Variants in PRKN observed in about 807,000 individuals in gnomAD.
The protein encoded by PRKN is parkin RBR E3 ubiquitin protein ligase.
A neutral mutation model predicts 59.5 loss-of-function variants in PRKN; 56 were observed. The ratio of observed to expected loss-of-function variants is 0.94; its 90% confidence interval spans 0.76 to 1.18. The LOEUF is 1.18. Among genes scored for constraint, PRKN ranks in the 50% most tolerant of loss-of-function variants. The pLI is 0.00. For missense variants in PRKN, 657 were observed against 596.4 expected, an observed-to-expected ratio of 1.10 and a Z score of -1.06; for synonymous variants, 250 against 222.1, an observed-to-expected ratio of 1.13 and a Z score of -1.12.
In PRKN at chr6:161,545,400, C is replaced by T. The variant is rs1296195606; in HGVS notation, c.1083+3454G>A. 1 of 1,612,444 alleles carries T rather than the reference C, an allele frequency of 6.2e-7. No homozygotes were observed. On this transcript the variant is annotated intron_variant, in intron 9 of 11. Transcript: ENST00000366898. This position sits in a 1 kb window ranked among gnomAD's most constrained non-coding sequence, Gnocchi z 4.1. ...GATGTATTGAATGAGGCACTCACTT[C>T]TCCCTGAGGCAGCTTATTTTGTTCT...
intron 4 of PRKN, among the ~76,000 whole-genome samples, chr6:162,068,879 T>C (rs1457631140): frequency 2.0e-5 from 3 of 152,060 alleles, no homozygotes. Flanking sequence ...CCATGCCCCG[T>C]TTAACAAATT....
intron 1 of PRKN, among the ~76,000 whole-genome samples, chr6:162,543,799 A>G (rs1410827226): frequency 6.6e-6 from 1 of 152,136 alleles, no homozygotes; most frequent in African/African-American, 2.4e-5. Flanking sequence ...GATAGCCTCA[A>G]TCCTGTTATT....
intron 5 of PRKN, among the ~76,000 whole-genome samples, chr6:162,047,009 T>C (rs555585925): frequency 6.6e-6 from 1 of 152,316 alleles, no homozygotes; most frequent in Admixed American, 6.5e-5. Context: ...AAAAATGTTC[T>C]AAGAAAACTT....
intron 6 of PRKN, among the ~76,000 whole-genome samples, chr6:161,945,989 T>G (rs1779761869): frequency 6.6e-6 from 1 of 152,292 alleles, no homozygotes; most frequent in Admixed American, 6.5e-5. Context: ...GAGAACTTCC[T>G]TAGGGTAAAC....
At chr6:161,871,113 C>T (rs981351006) in intron 6 of PRKN, among the ~76,000 whole-genome samples, 2 of 151,858 alleles carry the variant, frequency 1.3e-5, no homozygotes, top group African/African-American at 2.4e-5. Context: ...AAGATAGATA[C>T]TTTGTAGCAA....
intron 5 of PRKN, among the ~76,000 whole-genome samples, chr6:161,988,292 G>A (rs536642407): frequency 6.6e-6 from 1 of 152,184 alleles, no homozygotes; most frequent in Admixed American, 6.5e-5. Flanking sequence ...TTTGAGACCA[G>A]CCTGGCCAAC....
In PRKN at chr6:162,491,265, G is replaced by A. The variant is rs551670588; in HGVS notation, c.8-47792C>T. On this transcript the variant is annotated intron_variant, in intron 1 of 11. Coordinates refer to ENST00000366898, the MANE Select transcript of PRKN (RefSeq NM_004562.3). The stretch of plus-strand genomic sequence containing the variant: ...AGCCTGGGCAACAGAATGAGACTCT[G>A]GCTCAAAAAAAAAAAAAAAAACCAA... Among the ~76,000 whole-genome samples, 29 of 148,686 alleles carry A rather than the reference G, an allele frequency of 2.0e-4. No homozygotes were observed. In the East Asian group the frequency reaches 5.3e-3, roughly 27 times the overall value.
rs558000232 is a variant in PRKN, at chr6:161,915,718, T to C, written c.734+57584A>G. Among the ~76,000 whole-genome samples the C allele has an allele frequency of 1.6e-3, 249 of 152,326 alleles. 2 individuals carry two copies. Among genetic ancestry groups the C allele is most frequent in the African/African-American group, 5.2e-3 (217 of 41,574 alleles). ...CCATTGCACATGCAAACGTGTATGA[T>C]AGGTATGACAGTTTAACTTAGCATT... On this transcript the variant is annotated intron_variant, in intron 6 of 11. Transcript: ENST00000366898.
At position 161,760,037 on chromosome 6, in the gene PRKN, G is replaced by A. The variant is rs537850828; in HGVS notation, c.871+25735C>T. Among the ~76,000 whole-genome samples the A allele has an allele frequency of 2.7e-3, 392 of 145,600 alleles. 1 individual carries two copies. Among genetic ancestry groups the A allele is most frequent in the South Asian group, 7.4e-3 (33 of 4,476 alleles). On this transcript the variant is annotated intron_variant, in intron 7 of 11. Transcript: ENST00000366898. ...AATCAAATGGCCTTTTATCTTTCTT[G>A]TCTCTAAATATACCCTTTTACCACA...
rs16893769 is a variant in PRKN at position 162,379,915 on chromosome 6, C to A, written c.171+63395G>T. Reference sequence around the variant, plus strand: ...AACATGCCGGCAGAGAGGTTGAATTCCGAGGTGAACCAGTCATTCCAATCC... The same window carrying A: ...AACATGCCGGCAGAGAGGTTGAATTACGAGGTGAACCAGTCATTCCAATCC... On this transcript the variant is annotated intron_variant, in intron 2 of 11. Transcript: ENST00000366898. 9.9e-3 allele frequency among the ~76,000 whole-genome samples: 1,513 copies of A among 152,232 alleles called. 28 individuals carry two copies. The highest frequency in any genetic ancestry group is 0.035 in the African/African-American group (1,451 of 41,518).
intron 1 of PRKN, among the ~76,000 whole-genome samples, chr6:162,577,883 C>T (rs956897023): frequency 2.6e-5 from 4 of 152,160 alleles, no homozygotes; most frequent in Non-Finnish European, 5.9e-5. Flanking sequence ...GAGCTGGGAT[C>T]ACACCAGTGC....
chr6:162,204,336 C>T (rs769808559), intron 3 of PRKN, among the ~76,000 whole-genome samples: 7 of 152,150 alleles, frequency 4.6e-5, no homozygotes, highest in Non-Finnish European at 7.3e-5. Flanking sequence ...CCTGACCATA[C>T]CCCTTCTCAG....
intron 5 of PRKN, among the ~76,000 whole-genome samples, chr6:162,012,032 C>G (rs1229593271): frequency 6.6e-6 from 1 of 152,040 alleles, no homozygotes; most frequent in Admixed American, 6.6e-5. Flanking sequence ...TAATGACACG[C>G]AAAATGCTTT....
chr6:162,467,994 C>T (rs1010567765), intron 1 of PRKN, among the ~76,000 whole-genome samples: 4 of 152,200 alleles, frequency 2.6e-5, no homozygotes, highest in Non-Finnish European at 5.9e-5. Context: ...ACAGGTCTTC[C>T]TGTGACCACC....
chr6:161,742,806 G>A (rs1013501572), intron 7 of PRKN, among the ~76,000 whole-genome samples: 3 of 152,180 alleles, frequency 2.0e-5, no homozygotes, highest in Admixed American at 6.5e-5. Context: ...GACAGAGGAG[G>A]AGGCAAAACC....
intron 6 of PRKN, among the ~76,000 whole-genome samples, chr6:161,888,720 G>A (rs961003092): frequency 3.9e-5 from 6 of 152,020 alleles, no homozygotes; most frequent in Non-Finnish European, 8.8e-5. Flanking sequence ...CATACCCTCA[G>A]CTCAATCCCT....
In PRKN at chr6:161,457,149, C is replaced by T. The variant is rs963947052; in HGVS notation, c.1084-70272G>A. On this transcript the variant is annotated intron_variant, in intron 9 of 11. Transcript: ENST00000366898. This position sits in a 1 kb window ranked among gnomAD's most constrained non-coding sequence, Gnocchi z 5.0. Reference sequence around the variant, plus strand: ...CTTTGGAGTCCAGGAGTTCTCCACTCGGTACACCCAGTTTTACCAAAGTTA... The same window carrying T: ...CTTTGGAGTCCAGGAGTTCTCCACTTGGTACACCCAGTTTTACCAAAGTTA... Among the ~76,000 whole-genome samples, 20 of 152,204 alleles carry T rather than the reference C, an allele frequency of 1.3e-4. No homozygotes were observed. Among genetic ancestry groups the T allele is most frequent in the South Asian group, 4.1e-4 (2 of 4,826 alleles).
intron 4 of PRKN, among the ~76,000 whole-genome samples, chr6:162,132,738 G>C (rs1781414299): frequency 6.6e-6 from 1 of 152,090 alleles, no homozygotes; most frequent in South Asian, 2.1e-4. Context: ...CAGGACTCCA[G>C]GGCATCTCTA....
chr6:161,360,936 A>T lies in PRKN; in HGVS notation c.1168-731T>A, dbSNP rs1443051485. ...AACACCTTGTGCATTGGGGGTATGGAGGATTCTATGAGTTAATTTCTTCAA... is the reference window on the plus strand; with the variant it reads ...AACACCTTGTGCATTGGGGGTATGGTGGATTCTATGAGTTAATTTCTTCAA... On this transcript the variant is annotated intron_variant, in intron 10 of 11. Coordinates refer to ENST00000366898, the MANE Select transcript of PRKN (RefSeq NM_004562.3). This position sits in a 1 kb window ranked among gnomAD's most constrained non-coding sequence, Gnocchi z 5.1. Among the ~76,000 whole-genome samples the T allele has an allele frequency of 6.6e-6, 1 of 152,054 alleles. No individual in the cohort carries two copies. Among genetic ancestry groups the T allele is most frequent in the Non-Finnish European group, 1.5e-5 (1 of 67,998 alleles).
Sources: allele counts gnomAD v4.1 joint callset (sites outside exome capture counted in the v4.1 genomes callset), GRCh38; gene constraint gnomAD v4.1.1; non-coding constraint Gnocchi (gnomAD v3.1); transcripts MANE v1.5; gene names NCBI Gene and HGNC (gene_info 2026-07-23, HGNC 2026-07-21).